The following KCND2 variants were observed in gnomAD, a reference collection of about 807,000 sequenced individuals.
KCND2 encodes potassium voltage-gated channel subfamily D member 2.
Under a neutral mutation model 54.4 loss-of-function variants are expected in KCND2, and 16 were observed. The observed-to-expected ratio is 0.29, with a 90% CI of 0.20 to 0.45. KCND2 has a LOEUF of 0.45. Ranked by LOEUF, KCND2 falls within the 20% of genes least tolerant of loss-of-function variation. The pLI, the probability that KCND2 is intolerant of heterozygous loss-of-function variation, is 1.00. For missense variants in KCND2, 486 were observed against 824.2 expected, an observed-to-expected ratio of 0.59 and a Z score of 5.02; for synonymous variants, 317 against 310.7, an observed-to-expected ratio of 1.02 and a Z score of -0.21.
Position 120,432,487 on chromosome 7 carries a change from G to A in KCND2, c.1115+156740G>A, listed in dbSNP as rs115630840. Among the ~76,000 whole-genome samples, 1,239 of 147,014 alleles carry A rather than the reference G, an allele frequency of 8.4e-3. 13 individuals are homozygous for A. The highest frequency in any genetic ancestry group is 0.031 in the African/African-American group (1,174 of 37,272). On this transcript the variant is annotated intron_variant, in intron 1 of 5. Coordinates refer to ENST00000331113, the MANE Select transcript of KCND2 (RefSeq NM_012281.3). ...ATTCATACTTTTTATGTGTTTGCAT[G>A]TATGTGAATACACGCACACACACAC...
chr7:120,309,868 A>G (rs2116311955), intron 1 of KCND2, among the ~76,000 whole-genome samples: 1 of 152,292 alleles, frequency 6.6e-6, no homozygotes, highest in African/African-American at 2.4e-5. Context: ...TCTACAAACC[A>G]GTCACAGGGA....
At chr7:120,561,110 T>C (rs1792227312) in intron 1 of KCND2, among the ~76,000 whole-genome samples, 1 of 152,220 alleles carries the variant, frequency 6.6e-6, no homozygotes, top group African/African-American at 2.4e-5. Context: ...AACAGTCTAG[T>C]AATTTGCAAA....
chr7:120,656,091 T>A (rs555380773), intron 1 of KCND2, among the ~76,000 whole-genome samples: 11 of 152,298 alleles, frequency 7.2e-5, no homozygotes, highest in African/African-American at 2.6e-4. Context: ...GTAGGAGAAC[T>A]TTTAGTATTC....
chr7:120,660,789 T>TTCC (rs957472544), intron 1 of KCND2, among the ~76,000 whole-genome samples: 1 of 152,216 alleles, frequency 6.6e-6, no homozygotes, highest in Non-Finnish European at 1.5e-5. Flanking sequence ...AAGAAATATA[T>TTCC]TCCTATTGCA....
intron 1 of KCND2, among the ~76,000 whole-genome samples, chr7:120,475,881 T>C (rs1802527386): frequency 6.6e-6 from 1 of 152,172 alleles, no homozygotes; most frequent in Admixed American, 6.6e-5. Flanking sequence ...ACATCCCCAC[T>C]AAATCACTTC....
intron 1 of KCND2, among the ~76,000 whole-genome samples, chr7:120,494,677 A>G (rs1486862372): frequency 1.3e-5 from 2 of 152,202 alleles, no homozygotes; most frequent in Admixed American, 1.3e-4. Context: ...GTAATCTGCT[A>G]AAGTATGGCT....
chr7:120,675,259 G>A (rs1320993495), intron 1 of KCND2, among the ~76,000 whole-genome samples: 1 of 152,016 alleles, frequency 6.6e-6, no homozygotes, highest in Non-Finnish European at 1.5e-5. Context: ...TAGAGACAGG[G>A]TATTGCTCTG....
chr7:120,351,406 A>ACTCTCTCTCT (rs1392140980), intron 1 of KCND2, among the ~76,000 whole-genome samples: 8 of 123,528 alleles, frequency 6.5e-5, no homozygotes, highest in African/African-American at 2.7e-4. Context: ...ACACACACAC[A>ACTCTCTCTCT]CACACACTCT....
intron 1 of KCND2, among the ~76,000 whole-genome samples, chr7:120,413,665 A>G (rs1461028379): frequency 6.6e-6 from 1 of 152,058 alleles, no homozygotes; most frequent in African/African-American, 2.4e-5. Flanking sequence ...ATTCTAAAGC[A>G]GCATTGTACT....
intron 1 of KCND2, among the ~76,000 whole-genome samples, chr7:120,447,824 A>T (rs1456847994): frequency 1.3e-5 from 2 of 151,496 alleles, no homozygotes; most frequent in Admixed American, 6.6e-5. Context: ...TTTAAGACTG[A>T]TTTTTTTTTA....
Position 120,293,127 on chromosome 7 carries a change from T to A in KCND2, c.1115+17380T>A, listed in dbSNP as rs1799459914. On this transcript the variant is annotated intron_variant, in intron 1 of 5. Transcript: ENST00000331113. ...TTGAGAATAAACTCTACCATATTTT[T>A]AAGAAATTCTTGTAAATTTCATTCC... 2.0e-5 allele frequency among the ~76,000 whole-genome samples: 3 copies of A among 152,026 alleles called. No homozygotes were observed. In the South Asian group the frequency reaches 6.2e-4, roughly 31 times the overall value.
chr7:120,463,612 C>A (rs1350452677), intron 1 of KCND2, among the ~76,000 whole-genome samples: 2 of 151,932 alleles, frequency 1.3e-5, no homozygotes, highest in Non-Finnish European at 2.9e-5. Context: ...TCTCTTTACT[C>A]TTGGGTTGTA....
At chr7:120,675,855 C>CTTTTTTT (rs58226731) in intron 1 of KCND2, among the ~76,000 whole-genome samples, 6 of 121,550 alleles carry the variant, frequency 4.9e-5, no homozygotes, top group African/African-American at 1.3e-4. Context: ...TCTTTCTATT[C>CTTTTTTT]TTTTTTTTTT....
At position 120,650,727 on chromosome 7, in the gene KCND2, G is replaced by A. The variant is rs1303817324; in HGVS notation, c.1116-82176G>A. 1.4e-5 allele frequency among the ~76,000 whole-genome samples: 2 copies of A among 143,466 alleles called. 1 individual carries two copies. Among genetic ancestry groups the A allele is most frequent in the African/African-American group, 5.5e-5 (2 of 36,582 alleles). The allele number at this position is 143,466 out of a possible 152,430, so 94.1% of individuals were successfully genotyped here. ...AATTTTCAGCTTTTCTGCTCTTTTT[G>A]TTCCCCGTTTTTGTGGTTTTATCTA... is the stretch of plus-strand genomic sequence containing the variant. On this transcript the variant is annotated intron_variant, in intron 1 of 5. Transcript: ENST00000331113.
intron 1 of KCND2, among the ~76,000 whole-genome samples, chr7:120,409,068 G>A (rs903007374): frequency 1.3e-5 from 2 of 151,896 alleles, no homozygotes; most frequent in Non-Finnish European, 2.9e-5. Context: ...CAGGGTCATT[G>A]CTACATATTT....
intron 1 of KCND2, among the ~76,000 whole-genome samples, chr7:120,654,229 C>T (rs143909718): frequency 2.2e-4 from 33 of 152,018 alleles, no homozygotes; most frequent in African/African-American, 7.2e-4. Flanking sequence ...TTGATACTGT[C>T]AATGAGAAAA....
chr7:120,653,858 A>G (rs970784583), intron 1 of KCND2, among the ~76,000 whole-genome samples: 3 of 152,194 alleles, frequency 2.0e-5, no homozygotes, highest in Admixed American at 2.0e-4. Flanking sequence ...AAGAAATACA[A>G]TGTAGACAGA....
At chr7:120,593,023 GCAAA>G (rs1203800617) in intron 1 of KCND2, among the ~76,000 whole-genome samples, 3 of 152,216 alleles carry the variant, frequency 2.0e-5, no homozygotes, top group East Asian at 3.9e-4. Context: ...AACATTATAA[GCAAA>G]CAGTTTTTGT....
chr7:120,665,955 T>G (rs1791921166), intron 1 of KCND2, among the ~76,000 whole-genome samples: 1 of 152,146 alleles, frequency 6.6e-6, no homozygotes, highest in Admixed American at 6.5e-5. Context: ...TATTAAATAT[T>G]AAGTTTTTGA....
Sources: gnomAD v4.1 joint callset for allele counts (sites outside exome capture counted in the v4.1 genomes callset) on GRCh38, gnomAD v4.1.1 for gene constraint, MANE v1.5 for transcripts, NCBI Gene and HGNC (gene_info 2026-07-23, HGNC 2026-07-21) for gene names.